CRYBB3: variants seen among roughly 807,000 people sequenced by gnomAD.
The protein encoded by CRYBB3 is crystallin beta B3.
CRYBB3 carries 35 observed loss-of-function variants against 28.3 expected under a neutral mutation model. The observed-to-expected ratio is 1.24, with a 90% CI of 0.95 to 1.64. CRYBB3 has a LOEUF of 1.64. Ranked by LOEUF, CRYBB3 falls within the 40% of genes most tolerant of loss-of-function variation. CRYBB3 has a pLI of 0.00. For synonymous variants in CRYBB3, 106 were observed against 110.4 expected (o/e 0.96, Z 0.25); for missense variants, 296 against 297.4 (o/e 1.00, Z 0.04).
intron 5 of CRYBB3, 73 bp from the exon 6 acceptor site, chr22:25,206,974 A>C: frequency 1.8e-6 from 2 of 1,124,144 alleles, no homozygotes; most frequent in Non-Finnish European, 2.7e-6. Flanking sequence ...GGCAGAGTGC[A>C]TGGTCAGATG....
Position 25,203,807 on chromosome 22 carries a change from T to C in CRYBB3, c.239T>C (p.Val80Ala). ...ESRAFRGEQF[V>A]LEKGDYPRWD... is the part of the protein sequence containing the mutation. ...AGGGCCTTCCGCGGGGAGCAGTTTG[T>C]TCTGGAGAAGGGGGATTATCCTCGC... The change falls in exon 4 of 6, where the codon GTT (valine) becomes GCT (alanine). Residue 80 changes from valine (V) to alanine (A), a missense_variant. Val to Ala is a moderately conservative substitution (Grantham distance 64, BLOSUM62 0). Coordinates refer to ENST00000215855, the MANE Select transcript of CRYBB3 (RefSeq NM_004076.5). 1 of 1,614,212 alleles carries C rather than the reference T, an allele frequency of 6.2e-7. No individual in the cohort carries two copies. The highest frequency in any genetic ancestry group is 8.5e-7 in the Non-Finnish European group (1 of 1,180,028).
intron 4 of CRYBB3, 54 bp downstream of exon 4, chr22:25,203,949 G>T: frequency 6.2e-7 from 1 of 1,612,032 alleles, no homozygotes; most frequent in South Asian, 1.1e-5. Context: ...GGTGCACTGA[G>T]AGCTGGTCAG....
intron 3 of CRYBB3, among the ~76,000 whole-genome samples, chr22:25,203,007 CA>C (rs1367878772): frequency 1.3e-5 from 2 of 152,216 alleles, no homozygotes; most frequent in Non-Finnish European, 2.9e-5. Flanking sequence ...GGAAGAACAG[CA>C]AGGTCAACCT....
chr22:25,204,341 C>T (rs547124159), intron 4 of CRYBB3, among the ~76,000 whole-genome samples: 23 of 152,222 alleles, frequency 1.5e-4, no homozygotes, highest in African/African-American at 2.2e-4. Context: ...ATTTATTTTT[C>T]GAGACAGACT....
Position 25,202,794 on chromosome 22 carries a change from T to G in CRYBB3, c.194+2T>G, listed in dbSNP as rs776322408. The G allele has an allele frequency of 6.2e-7, 1 of 1,613,692 alleles. No homozygotes were observed. Among genetic ancestry groups the G allele is most frequent in the Non-Finnish European group, 8.5e-7 (1 of 1,179,928 alleles). Reference sequence around the variant, plus strand: ...CTCCATCCAAGTGGAGTCCGGGCCGTGAGTACCTAGACCCCCAGTCCCTCG... The same window carrying G: ...CTCCATCCAAGTGGAGTCCGGGCCGGGAGTACCTAGACCCCCAGTCCCTCG... On this transcript the variant is annotated splice_donor_variant, in intron 3 of 5. Transcript: ENST00000215855. LOFTEE classifies it high-confidence loss of function.
At chr22:25,203,692 T>A (rs1934984062) in intron 3 of CRYBB3, 71 bp from the exon 4 acceptor site, 1 of 1,583,366 alleles carries the variant, frequency 6.3e-7, no homozygotes, top group South Asian at 1.1e-5. Context: ...TCTTGGACAC[T>A]TCTCTCACTA....
intron 1 of CRYBB3, among the ~76,000 whole-genome samples, chr22:25,200,336 G>C (rs1934921692): frequency 6.6e-6 from 1 of 152,152 alleles, no homozygotes; most frequent in South Asian, 2.1e-4. Context: ...GTGCATGCTG[G>C]GGTGGCCGTG....
At position 25,205,307 on chromosome 22, in the gene CRYBB3, C is replaced by T. The variant is rs1053595773; in HGVS notation, c.415C>T (p.Leu139=). 6.2e-7 allele frequency: 1 copy of T among 1,614,172 alleles called. No individual in the cohort carries two copies. Among genetic ancestry groups the T allele is most frequent in the Non-Finnish European group, 8.5e-7 (1 of 1,180,030 alleles). The change falls in exon 5 of 6, where the codon CTG becomes TTG. Residue 139 remains leucine (L), a synonymous_variant. Transcript: ENST00000215855. ...MEIVDDDVPS[L]WAHGFQDRVA... is the part of the protein sequence containing the mutation. ...GATAGTGGATGATGACGTGCCCAGCCTGTGGGCTCATGGCTTCCAGGACCG... is the reference window on the plus strand; with the variant it reads ...GATAGTGGATGATGACGTGCCCAGCTTGTGGGCTCATGGCTTCCAGGACCG...
chr22:25,204,312 T>C (rs1296993396), intron 4 of CRYBB3, among the ~76,000 whole-genome samples: 1 of 152,248 alleles, frequency 6.6e-6, no homozygotes. Context: ...AGTGACACTT[T>C]TTATTTATTT....
rs116940155 is a variant in CRYBB3 at position 25,203,449 on chromosome 22, G to A, written c.195-314G>A. ...AATACAATACAAAGAAGAGGAAAAG[G>A]AAGAGGAAGAAGTCACTGTCACCTA... On this transcript the variant is annotated intron_variant, in intron 3 of 5. Coordinates refer to ENST00000215855, the MANE Select transcript of CRYBB3 (RefSeq NM_004076.5). Among the ~76,000 whole-genome samples, 1,205 of 152,328 alleles carry A rather than the reference G, an allele frequency of 7.9e-3. 4 individuals carry two copies. Among genetic ancestry groups the A allele is most frequent in the Non-Finnish European group, 0.013 (865 of 68,036 alleles).
chr22:25,204,732 A>G (rs732706), intron 4 of CRYBB3, among the ~76,000 whole-genome samples: 50,980 of 152,018 alleles, frequency 0.34, 10,205 homozygotes, highest in East Asian at 0.52. Context: ...GTGACACTTT[A>G]AACACCACCC....
intron 5 of CRYBB3, among the ~76,000 whole-genome samples, chr22:25,206,000 C>A: frequency 6.6e-6 from 1 of 152,096 alleles, no homozygotes; most frequent in Non-Finnish European, 1.5e-5. Context: ...TGAGATGTGA[C>A]ACAAGTTGTA....
intron 2 of CRYBB3, 84 bp downstream of exon 2, chr22:25,201,555 G>A (rs1934949608): frequency 1.3e-6 from 2 of 1,569,272 alleles, no homozygotes; most frequent in African/African-American, 1.4e-5. Flanking sequence ...ACCTCTGCAG[G>A]AAGGAAGAGC....
intron 1 of CRYBB3, among the ~76,000 whole-genome samples, chr22:25,200,356 G>A (rs886308328): frequency 3.3e-5 from 5 of 152,134 alleles, no homozygotes; most frequent in Non-Finnish European, 5.9e-5. Flanking sequence ...GCTGGGAGCC[G>A]TGGGTGGGTA....
chr22:25,201,688 G>T (rs1405728135), intron 2 of CRYBB3, among the ~76,000 whole-genome samples: 2 of 152,140 alleles, frequency 1.3e-5, no homozygotes, highest in Non-Finnish European at 2.9e-5. Flanking sequence ...AACAGAAATG[G>T]TCACCCACAT....
intron 2 of CRYBB3, among the ~76,000 whole-genome samples, chr22:25,201,835 C>T (rs1934953844): frequency 1.3e-5 from 2 of 152,136 alleles, no homozygotes; most frequent in South Asian, 4.1e-4. Flanking sequence ...CTCTCTGGGC[C>T]TCAACAGCCC....
chr22:25,205,332 G>T lies in CRYBB3; in HGVS notation c.440G>T (p.Arg147Leu). ...CTGTGGGCTCATGGCTTCCAGGACC[G>T]TGTGGCGAGTGTCCGTGCCATCAAC... ...PSLWAHGFQD[R>L]VASVRAINGT... Residue 147 changes from arginine (R) to leucine (L), a missense_variant, in exon 5 of 6, where the codon CGT (arginine) becomes CTT (leucine). Physicochemically the swap from Arg to Leu is moderately radical, Grantham distance 102. Coordinates refer to ENST00000215855, the MANE Select transcript of CRYBB3 (RefSeq NM_004076.5). 6.2e-7 allele frequency: 1 copy of T among 1,614,124 alleles called. No homozygotes were observed. Among genetic ancestry groups the T allele is most frequent in the Non-Finnish European group, 8.5e-7 (1 of 1,180,016 alleles).
rs1934987822 is a variant in CRYBB3, at chr22:25,203,853, C to T, written c.285C>T (p.Ser95=). 6.2e-7 allele frequency: 1 copy of T among 1,614,078 alleles called. No individual in the cohort carries two copies. Among genetic ancestry groups the T allele is most frequent in the Admixed American group, 1.7e-5 (1 of 60,006 alleles). Residue 95 remains serine (S), a synonymous_variant, in exon 4 of 6, where the codon AGC becomes AGT. Coordinates refer to ENST00000215855, the MANE Select transcript of CRYBB3 (RefSeq NM_004076.5). ...CTCGCTGGGATGCCTGGTCCAACAGCCGTGATAGTGACAGCCTTCTGTCCC... is the reference window on the plus strand; with the variant it reads ...CTCGCTGGGATGCCTGGTCCAACAGTCGTGATAGTGACAGCCTTCTGTCCC... ...DYPRWDAWSN[S]RDSDSLLSLR...
intron 4 of CRYBB3, 130 bp from the exon 5 acceptor site, chr22:25,205,090 C>CCCAAA: frequency 8.2e-7 from 1 of 1,226,388 alleles, no homozygotes; most frequent in Non-Finnish European, 1.2e-6. Context: ...TGAGGCCCTT[C>CCCAAA]CCTCCTGCAG....
Sources: gnomAD v4.1 joint callset for allele counts (sites outside exome capture counted in the v4.1 genomes callset) on GRCh38, gnomAD v4.1.1 for gene constraint, MANE v1.5 for transcripts, NCBI Gene and HGNC (gene_info 2026-07-23, HGNC 2026-07-21) for gene names.